Variants in FLT3 observed in about 807,000 individuals in gnomAD.
The protein encoded by FLT3 is receptor-type tyrosine-protein kinase FLT3.
In FLT3, 46 loss-of-function variants were observed where a neutral mutation model predicts 126.6. That is an observed-to-expected ratio of 0.36 (90% CI 0.29 to 0.46). The LOEUF (loss-of-function observed/expected upper bound fraction) is 0.46. FLT3 is among the 20% of genes least tolerant of loss of function. FLT3 has a pLI of 1.00. For synonymous variants in FLT3, 404 were observed against 434.4 expected (o/e 0.93, Z 0.87); for missense variants, 1,069 against 1,190.3 (o/e 0.90, Z 1.50).
intron 17 of FLT3, chr13:28,025,521 T>C (rs544538585): frequency 2.5e-5 from 8 of 325,984 alleles, no homozygotes; most frequent in Admixed American, 1.3e-4. Context: ...ATTCAATTTA[T>C]TCTAATATAC....
In FLT3 at chr13:28,047,723, AAAAAAGAAAAAG is replaced by A. The variant is rs1337305677; in HGVS notation, c.1205+540_1205+551del. ...TGAGACCTCATCTCAAAAAAAAAAA[AAAAAAGAAAAAG>A]AAAAAGAAAAGAAAATTTGTTGTTC... On this transcript the variant is annotated intron_variant, in intron 9 of 23. Transcript: ENST00000241453. 1.2e-3 allele frequency among the ~76,000 whole-genome samples: 188 copies of A among 151,702 alleles called. 1 individual carries two copies. Among genetic ancestry groups the A allele is most frequent in the African/African-American group, 4.0e-3 (166 of 41,390 alleles).
At chr13:28,034,042 A>T in intron 14 of FLT3, 40 bp downstream of exon 14, 3 of 1,613,508 alleles carry the variant, frequency 1.9e-6, no homozygotes, top group Non-Finnish European at 2.5e-6. Flanking sequence ...TCCAATGGAA[A>T]AGAAATGCTG....
intron 1 of FLT3, among the ~76,000 whole-genome samples, chr13:28,072,705 T>C (rs1223003230): frequency 1.3e-5 from 2 of 151,854 alleles, no homozygotes; most frequent in Non-Finnish European, 2.9e-5. Flanking sequence ...CAAGATCTAT[T>C]CTCTTAACAA....
intron 2 of FLT3, 56 bp from the exon 3 acceptor site, chr13:28,062,125 CCTT>C: frequency 7.6e-7 from 1 of 1,311,228 alleles, no homozygotes; most frequent in Non-Finnish European, 1.1e-6. Context: ...TAAGGCCTCC[CCTT>C]CTTCACATCA....
intron 23 of FLT3, among the ~76,000 whole-genome samples, chr13:28,011,860 C>G (rs1871419763): frequency 6.6e-6 from 1 of 151,478 alleles, no homozygotes; most frequent in South Asian, 2.1e-4. Flanking sequence ...TGCAGTGGTG[C>G]CATCTCGGCT....
chr13:28,070,382 A>T (rs923623362), intron 2 of FLT3, 109 bp downstream of exon 2: 3 of 859,150 alleles, frequency 3.5e-6, no homozygotes, highest in Non-Finnish European at 3.7e-6. Flanking sequence ...GCCATAATAT[A>T]CTTAAATACA....
chr13:28,048,206 C>A, intron 9 of FLT3, 69 bp downstream of exon 9: 2 of 1,267,572 alleles, frequency 1.6e-6, no homozygotes, highest in Non-Finnish European at 2.2e-6. Context: ...ATAAAACTGT[C>A]CTTCTCAAGG....
intron 21 of FLT3, 92 bp downstream of exon 21, chr13:28,015,498 C>A: frequency 1.4e-6 from 1 of 727,822 alleles, no homozygotes; most frequent in Non-Finnish European, 2.4e-6. Context: ...CAAGTAAGAC[C>A]CATCAGTGTT....
chr13:28,039,548 CT>C (rs10564719), intron 9 of FLT3, among the ~76,000 whole-genome samples: 1,376 of 120,552 alleles, frequency 0.011, 6 homozygotes, highest in Non-Finnish European at 0.017. Context: ...TGCAATAAAA[CT>C]TTTTTTTTTT....
At chr13:28,049,903 A>C in intron 6 of FLT3, 129 bp from the exon 7 acceptor site, 1 of 1,141,734 alleles carries the variant, frequency 8.8e-7, no homozygotes, top group Admixed American at 2.7e-5. Context: ...TAATAAAAGA[A>C]GCTTTTAGAG....
intron 1 of FLT3, among the ~76,000 whole-genome samples, chr13:28,099,538 G>A (rs1338790585): frequency 6.6e-6 from 1 of 152,248 alleles, no homozygotes; most frequent in Middle Eastern, 3.4e-3. Context: ...AAGGGGACTC[G>A]GACGGACTCC....
At position 28,028,290 on chromosome 13, in the gene FLT3, T is replaced by A; in HGVS notation, c.1943-2A>T. 6.6e-7 allele frequency: 1 copy of A among 1,512,468 alleles called. No individual in the cohort carries two copies. The highest frequency in any genetic ancestry group is 1.1e-5 in the South Asian group (1 of 88,672). The allele number at this position is 1,512,468 out of a possible 1,614,324, so 93.7% of individuals were successfully genotyped here. A position where few individuals can be genotyped will look rare whatever the true frequency, so the allele number is the denominator to read the frequency against. ...CTCTTTCAGAGCTGTCTGCTTTTTC[T>A]GTCAAAGAAAGGAGCATTAAAAATG... On this transcript the variant is annotated splice_acceptor_variant, in intron 15 of 23. Transcript: ENST00000241453. LOFTEE classifies it high-confidence loss of function.
At chr13:28,024,788 TA>T (rs1872664953) in intron 18 of FLT3, 72 bp downstream of exon 18, 2 of 1,083,028 alleles carry the variant, frequency 1.8e-6, no homozygotes, top group African/African-American at 1.6e-5. Context: ...TACACACTTT[TA>T]AAAAATAGCT....
chr13:28,097,846 G>C (rs1277054468), intron 1 of FLT3, among the ~76,000 whole-genome samples: 4 of 152,146 alleles, frequency 2.6e-5, no homozygotes, highest in Non-Finnish European at 5.9e-5. Context: ...TCAAGGCTTT[G>C]AATACGAATT....
Position 28,003,909 on chromosome 13 carries a change from G to A in FLT3, c.*143C>T, listed in dbSNP as rs551067174. 15 of 916,412 alleles carry A rather than the reference G, an allele frequency of 1.6e-5. No homozygotes were observed. Among genetic ancestry groups the A allele is most frequent in the South Asian group, 1.2e-4 (7 of 59,866 alleles). The allele number at this position is 916,412 out of a possible 1,614,324, so 56.8% of individuals were successfully genotyped here. On this transcript the variant is annotated 3_prime_UTR_variant, in exon 24 of 24. Transcript: ENST00000241453. ...AGTCCCTTTGAAAACAAGAGTAAACGCAGACAGCTTCTAGAGAAAAGTCTG... is the reference window on the plus strand; with the variant it reads ...AGTCCCTTTGAAAACAAGAGTAAACACAGACAGCTTCTAGAGAAAAGTCTG...
intron 1 of FLT3, among the ~76,000 whole-genome samples, chr13:28,091,202 A>ATTTTATTTT (rs1216841402): frequency 2.9e-5 from 1 of 34,138 alleles, no homozygotes; most frequent in African/African-American, 1.2e-4. Flanking sequence ...TTTGGGCCCC[A>ATTTTATTTT]TTTTCTTTTT....
At chr13:28,085,814 T>TAAAAG (rs1878641846) in intron 1 of FLT3, among the ~76,000 whole-genome samples, 1 of 152,128 alleles carries the variant, frequency 6.6e-6, no homozygotes, top group East Asian at 1.9e-4. Flanking sequence ...TATTTGTGTC[T>TAAAAG]TCATATGCAG....
chr13:28,098,761 A>G (rs1456531826), intron 1 of FLT3, among the ~76,000 whole-genome samples: 1 of 150,272 alleles, frequency 6.7e-6, no homozygotes, highest in African/African-American at 2.5e-5. Context: ...ATCTATTCAT[A>G]CCACGGAATG....
At chr13:28,019,029 G>A (rs534709700) in intron 19 of FLT3, among the ~76,000 whole-genome samples, 7 of 150,022 alleles carry the variant, frequency 4.7e-5, no homozygotes, top group African/African-American at 1.5e-4. Flanking sequence ...GTGCAATGGC[G>A]TGATCTCGGC....
Sources: gnomAD v4.1 joint callset for allele counts (sites outside exome capture counted in the v4.1 genomes callset) on GRCh38, gnomAD v4.1.1 for gene constraint, MANE v1.5 for transcripts, NCBI Gene and HGNC (gene_info 2026-07-23, HGNC 2026-07-21) for gene names.